Variants in STAC observed in about 807,000 individuals in gnomAD.
The protein encoded by STAC is SH3 and cysteine rich domain, also known as SH3 and cysteine-rich domain-containing protein.
Under a neutral mutation model 48.8 loss-of-function variants are expected in STAC, and 43 were observed. The observed-to-expected ratio is 0.88, with a 90% CI of 0.69 to 1.14. The LOEUF is 1.14. STAC is among the 50% of genes most tolerant of loss of function. The probability of loss-of-function intolerance (pLI) is 0.00; values close to 1 mark genes in which losing one functional copy is unlikely to be tolerated. For synonymous variants in STAC, 193 were observed against 179.5 expected (o/e 1.07, Z -0.60); for missense variants, 497 against 504.0 (o/e 0.99, Z 0.13).
At chr3:36,511,446 A>T (rs1214066210) in intron 8 of STAC, among the ~76,000 whole-genome samples, 1 of 152,188 alleles carries the variant, frequency 6.6e-6, no homozygotes, top group Non-Finnish European at 1.5e-5. Flanking sequence ...CCAAAATGTG[A>T]GTAATCTCAT....
intron 1 of STAC, among the ~76,000 whole-genome samples, chr3:36,411,310 T>TA (rs1700190155): frequency 6.6e-6 from 1 of 152,218 alleles, no homozygotes; most frequent in South Asian, 2.1e-4. Context: ...TCAGGTCTCT[T>TA]AGAGTCAAGT....
chr3:36,463,016 C>T (rs1328558488), intron 2 of STAC, among the ~76,000 whole-genome samples: 1 of 151,982 alleles, frequency 6.6e-6, no homozygotes, highest in Non-Finnish European at 1.5e-5. Flanking sequence ...GAAAAAAAAC[C>T]TGACAAGATC....
In STAC at chr3:36,443,429, CT is replaced by C; in HGVS notation, c.179del (p.Phe60SerfsTer10). 1 of 1,614,218 alleles carries C rather than the reference CT, an allele frequency of 6.2e-7. No homozygotes were observed. Among genetic ancestry groups the C allele is most frequent in the African/African-American group, 1.3e-5 (1 of 75,060 alleles). On this transcript the variant is annotated frameshift_variant, in exon 2 of 11. Coordinates refer to ENST00000273183, the MANE Select transcript of STAC (RefSeq NM_003149.3). LOFTEE classifies it high-confidence loss of function. The surrounding 1 kb of genome is among the most constrained non-coding windows in gnomAD (Gnocchi z 4.2). ...GTTTACGGAGCAAAAGTGCTGACAA[CT>C]TCTTCCAGCGAACCAACAGCGAAGA... ...KSLRSKSADN[F>X]FQRTNSEDMK... is the part of the protein sequence containing the mutation.
At position 36,483,110 on chromosome 3, in the gene STAC, G is replaced by T. The variant is rs1697701253; in HGVS notation, c.489+18G>T. The T allele has an allele frequency of 6.3e-7, 1 of 1,588,192 alleles. No individual in the cohort carries two copies. Among genetic ancestry groups the T allele is most frequent in the Non-Finnish European group, 8.6e-7 (1 of 1,156,812 alleles). On this transcript the variant is annotated intron_variant, in intron 3 of 10. Coordinates refer to ENST00000273183, the MANE Select transcript of STAC (RefSeq NM_003149.3). The stretch of plus-strand genomic sequence containing the variant: ...GCAAGCTGGTAAGGGCTTGTGCCAG[G>T]AGTGAGGCCCACACCTCTCTGCTAG...
chr3:36,522,408 C>A (rs2125726701), intron 8 of STAC, among the ~76,000 whole-genome samples: 1 of 152,258 alleles, frequency 6.6e-6, no homozygotes. Flanking sequence ...ATATGCATTA[C>A]AAATATTTTG....
At position 36,438,167 on chromosome 3, in the gene STAC, C is replaced by A. The variant is rs532423041; in HGVS notation, c.112-5197C>A. Among the ~76,000 whole-genome samples the A allele has an allele frequency of 3.9e-5, 6 of 152,218 alleles. No individual in the cohort carries two copies. The East Asian group carries it at 1.2e-3, about 29-fold the overall frequency. On this transcript the variant is annotated intron_variant, in intron 1 of 10. Coordinates refer to ENST00000273183, the MANE Select transcript of STAC (RefSeq NM_003149.3). ...GGTCAGGCTGGTCTCGAACTCCCAA[C>A]CTCAGGTGATCCGCCCACCTCCCTA... is the stretch of plus-strand genomic sequence containing the variant.
chr3:36,439,235 T>C (rs1056545338), intron 1 of STAC, among the ~76,000 whole-genome samples: 3 of 152,154 alleles, frequency 2.0e-5, no homozygotes, highest in African/African-American at 7.2e-5. Context: ...AGGGGTAAAA[T>C]TGCATCTTCA....
At chr3:36,388,711 C>T (rs1035385814) in intron 1 of STAC, among the ~76,000 whole-genome samples, 3 of 151,748 alleles carry the variant, frequency 2.0e-5, no homozygotes, top group African/African-American at 7.2e-5. Context: ...TTTCTAAAAC[C>T]ATTTGTTGAA....
intron 1 of STAC, chr3:36,409,412 C>G (rs1426785726): frequency 6.6e-6 from 1 of 152,206 alleles, no homozygotes; most frequent in African/African-American, 2.4e-5. Context: ...ATTGGGTCAA[C>G]AGTCGATATT....
At chr3:36,528,542 T>A (rs1698990289) in intron 8 of STAC, among the ~76,000 whole-genome samples, 154 bp from the exon 9 acceptor site, 1 of 152,240 alleles carries the variant, frequency 6.6e-6, no homozygotes, top group Non-Finnish European at 1.5e-5. Context: ...ATACAGCTAT[T>A]TTCTTGGTAG....
At chr3:36,380,795 C>A in intron 1 of STAC, 41 bp downstream of exon 1, 1 of 1,487,812 alleles carries the variant, frequency 6.7e-7, no homozygotes, top group Non-Finnish European at 9.3e-7. Flanking sequence ...CAAACTCACT[C>A]TCCTCTCCTG....
chr3:36,541,774 A>G (rs1347872493), intron 10 of STAC, among the ~76,000 whole-genome samples: 1 of 152,162 alleles, frequency 6.6e-6, no homozygotes, highest in Non-Finnish European at 1.5e-5. Flanking sequence ...TAGCTGAGCT[A>G]CATGGTTAGG....
At chr3:36,516,148 T>C (rs948520291) in intron 8 of STAC, among the ~76,000 whole-genome samples, 11 of 151,968 alleles carry the variant, frequency 7.2e-5, no homozygotes, top group Admixed American at 3.9e-4. Flanking sequence ...CACGCCCCAC[T>C]AATTTTTGCA....
intron 1 of STAC, among the ~76,000 whole-genome samples, chr3:36,395,020 T>TATATAG (rs1699827738): frequency 1.0e-5 from 1 of 99,264 alleles, no homozygotes; most frequent in East Asian, 2.4e-4. Context: ...AATCAAAAGA[T>TATATAG]ATATAGATAT....
chr3:36,535,811 A>G (rs1191474908), intron 10 of STAC, among the ~76,000 whole-genome samples: 1 of 152,204 alleles, frequency 6.6e-6, no homozygotes, highest in Non-Finnish European at 1.5e-5. Flanking sequence ...CATCCCAAGA[A>G]TGAAGCCAAC....
At chr3:36,456,113 C>A (rs541464203) in intron 2 of STAC, among the ~76,000 whole-genome samples, 5 of 152,136 alleles carry the variant, frequency 3.3e-5, no homozygotes, top group Admixed American at 2.0e-4. Context: ...AAGTATGTTT[C>A]TGTTGTCATA....
intron 2 of STAC, among the ~76,000 whole-genome samples, chr3:36,466,751 C>T (rs573203004): frequency 2.6e-5 from 4 of 152,044 alleles, no homozygotes; most frequent in Admixed American, 6.6e-5. Flanking sequence ...TTTTGGATGA[C>T]TCTTTAGGGT....
At chr3:36,466,810 C>T (rs1297062356) in intron 2 of STAC, among the ~76,000 whole-genome samples, 1 of 152,064 alleles carries the variant, frequency 6.6e-6, no homozygotes, top group Non-Finnish European at 1.5e-5. Flanking sequence ...AGTTTGACTT[C>T]CTTTTTACTG....
chr3:36,436,283 C>A (rs1274905267), intron 1 of STAC, among the ~76,000 whole-genome samples: 2 of 152,210 alleles, frequency 1.3e-5, no homozygotes, highest in South Asian at 4.1e-4. Context: ...CCCAACTTGT[C>A]TCCCTGTTTC....
Sources: allele counts gnomAD v4.1 joint callset (sites outside exome capture counted in the v4.1 genomes callset), GRCh38; gene constraint gnomAD v4.1.1; non-coding constraint Gnocchi (gnomAD v3.1); transcripts MANE v1.5; gene names NCBI Gene and HGNC (gene_info 2026-07-23, HGNC 2026-07-21).